The following TIE1 variants were observed in gnomAD, a reference collection of about 807,000 sequenced individuals.
TIE1 encodes tyrosine kinase with immunoglobulin like and EGF like domains 1, also known as tyrosine-protein kinase receptor Tie-1.
Under a neutral mutation model 130.5 loss-of-function variants are expected in TIE1, and 89 were observed. The observed-to-expected ratio is 0.68, with a 90% CI of 0.57 to 0.81. The LOEUF (loss-of-function observed/expected upper bound fraction) is 0.81. Ranked by LOEUF, TIE1 falls within the 40% of genes least tolerant of loss-of-function variation. The probability of loss-of-function intolerance (pLI) is 0.00; values close to 1 mark genes in which losing one functional copy is unlikely to be tolerated. For missense variants in TIE1, 1,392 were observed against 1,559.8 expected (o/e 0.89, Z 1.81); for synonymous variants, 568 against 629.4 (o/e 0.90, Z 1.46).
In TIE1 at chr1:43,301,052, C is replaced by T. The variant is rs1379101035; in HGVS notation, c.-20C>T. 6 of 1,613,208 alleles carry T rather than the reference C, an allele frequency of 3.7e-6. No individual in the cohort carries two copies. Among genetic ancestry groups the T allele is most frequent in the Middle Eastern group, 1.6e-4 (1 of 6,084 alleles). On this transcript the variant is annotated 5_prime_UTR_variant, in exon 1 of 23. Coordinates refer to ENST00000372476, the MANE Select transcript of TIE1 (RefSeq NM_005424.5). Reference sequence around the variant, plus strand: ...CCCAGGCCCAGCTCGTCCTGGCTGGCCTGGGTCGGCCTCTGGAGTATGGTC... The same window carrying T: ...CCCAGGCCCAGCTCGTCCTGGCTGGTCTGGGTCGGCCTCTGGAGTATGGTC...
chr1:43,323,025 A>C lies in TIE1; in HGVS notation c.*303A>C. ...CTCCAGCTCCTTCGCTTAAGCCAGC[A>C]CTCACACCACTAACATGCCCTGTTC... On this transcript the variant is annotated 3_prime_UTR_variant, in exon 23 of 23. Coordinates refer to ENST00000372476, the MANE Select transcript of TIE1 (RefSeq NM_005424.5). 1 of 394,026 alleles carries C rather than the reference A, an allele frequency of 2.5e-6. No homozygotes were observed. The highest frequency in any genetic ancestry group is 4.7e-6 in the Non-Finnish European group (1 of 214,340). The allele number at this position is 394,026 out of a possible 1,614,324, so 24.4% of individuals were successfully genotyped here. A position where few individuals can be genotyped will look rare whatever the true frequency, so the allele number is the denominator to read the frequency against.
chr1:43,313,502 C>G lies in TIE1; in HGVS notation c.2218+77C>G, dbSNP rs1037453645. 1.9e-6 allele frequency: 3 copies of G among 1,540,178 alleles called. No individual in the cohort carries two copies. Among genetic ancestry groups the G allele is most frequent in the Admixed American group, 1.7e-5 (1 of 57,312 alleles). ...AGCACGCTCTCCTTCCACATCACCC[C>G]CTACTGTGGAGCTAGGGCATCCCAG... On this transcript the variant is annotated intron_variant, in intron 13 of 22. Transcript: ENST00000372476. The surrounding 1 kb of genome is among the most constrained non-coding windows in gnomAD (Gnocchi z 6.2).
chr1:43,319,700 G>C lies in TIE1; in HGVS notation c.3107+171G>C, dbSNP rs1570452724. Reference sequence around the variant, plus strand: ...AAAGTACCTAGCCAAGGTGGGGCTTGCTGGAAGGAGTCTTGGAAGGTGTTT... The same window carrying C: ...AAAGTACCTAGCCAAGGTGGGGCTTCCTGGAAGGAGTCTTGGAAGGTGTTT... On this transcript the variant is annotated intron_variant, in intron 19 of 22. Coordinates refer to ENST00000372476, the MANE Select transcript of TIE1 (RefSeq NM_005424.5). The surrounding 1 kb of genome is among the most constrained non-coding windows in gnomAD (Gnocchi z 4.7). The C allele has an allele frequency of 6.1e-6, 4 of 656,582 alleles. No homozygotes were observed. In the East Asian group the frequency reaches 1.1e-4, roughly 18 times the overall value. The allele number at this position is 656,582 out of a possible 1,614,324, so 40.7% of individuals were successfully genotyped here. A position where few individuals can be genotyped will look rare whatever the true frequency, so the allele number is the denominator to read the frequency against.
rs953994974 is a variant in TIE1 at position 43,306,286 on chromosome 1, G to A, written c.485-554G>A. On this transcript the variant is annotated intron_variant, in intron 3 of 22. Coordinates refer to ENST00000372476, the MANE Select transcript of TIE1 (RefSeq NM_005424.5). The surrounding 1 kb of genome is among the most constrained non-coding windows in gnomAD (Gnocchi z 4.9). ...CTGAAACACAAGGGTGTTTCTAGAA[G>A]AGAAACAATCCATTCAGGAATTCAG... Among the ~76,000 whole-genome samples the A allele has an allele frequency of 1.3e-5, 2 of 152,214 alleles. No individual in the cohort carries two copies. The highest frequency in any genetic ancestry group is 2.9e-5 in the Non-Finnish European group (2 of 68,040).
chr1:43,314,052 C>CG, intron 14 of TIE1, 84 bp downstream of exon 14: 1 of 1,345,248 alleles, frequency 7.4e-7, no homozygotes, highest in South Asian at 1.2e-5. Flanking sequence ...CCTTGTACAC[C>CG]TTGTGTGTGT....
chr1:43,304,063 G>T (rs770345829), intron 1 of TIE1, among the ~76,000 whole-genome samples: 2 of 143,642 alleles, frequency 1.4e-5, no homozygotes, highest in African/African-American at 2.4e-5. Flanking sequence ...TGCCCTCCCT[G>T]GCTCTGGGCC....
At position 43,313,764 on chromosome 1, in the gene TIE1, C is replaced by A; in HGVS notation, c.2219-14C>A. 1 of 1,603,844 alleles carries A rather than the reference C, an allele frequency of 6.2e-7. No individual in the cohort carries two copies. The highest frequency in any genetic ancestry group is 8.5e-7 in the Non-Finnish European group (1 of 1,173,942). ...CCAGGTGTCCCCACAATCTGCCCCT[C>A]TCACTGTGTCCAGGGCTGCAGGCTG... On this transcript the variant is annotated splice_polypyrimidine_tract_variant and intron_variant, in intron 13 of 22. Transcript: ENST00000372476. The surrounding 1 kb of genome is among the most constrained non-coding windows in gnomAD (Gnocchi z 6.2).
intron 3 of TIE1, among the ~76,000 whole-genome samples, chr1:43,305,673 TC>T (rs1032920133): frequency 2.0e-5 from 3 of 152,016 alleles, no homozygotes; most frequent in African/African-American, 7.3e-5. Flanking sequence ...ACCGCATCAG[TC>T]CCCCTGAGGA....
At chr1:43,302,823 T>C (rs530348857) in intron 1 of TIE1, among the ~76,000 whole-genome samples, 1 of 149,272 alleles carries the variant, frequency 6.7e-6, no homozygotes, top group African/African-American at 2.5e-5. Flanking sequence ...ATGGTCTAGG[T>C]GAGTAAGGAT....
At position 43,306,903 on chromosome 1, in the gene TIE1, C is replaced by T; in HGVS notation, c.548C>T (p.Pro183Leu). 1.2e-6 allele frequency: 2 copies of T among 1,614,040 alleles called. No individual in the cohort carries two copies. The highest frequency in any genetic ancestry group is 8.5e-7 in the Non-Finnish European group (1 of 1,180,020). ...GATGGGCGGTTCCTGCTGCAGCTCC[C>T]AAATGTGCAGCCACCATCGAGCGGC... is the stretch of plus-strand genomic sequence containing the variant. Reference protein sequence around the residue: ...AQDGRFLLQLPNVQPPSSGIY... With the variant: ...AQDGRFLLQLLNVQPPSSGIY... The change falls in exon 4 of 23, where the codon CCA becomes CTA. Residue 183 changes from proline (P) to leucine (L), a missense_variant. Physicochemically the swap from Pro to Leu is moderately conservative, Grantham distance 98. Transcript: ENST00000372476. This position sits in a 1 kb window ranked among gnomAD's most constrained non-coding sequence, Gnocchi z 4.9.
At position 43,318,052 on chromosome 1, in the gene TIE1, C is replaced by G. The variant is rs757547719; in HGVS notation, c.2902C>G (p.Gln968Glu). The change falls in exon 17 of 23, where the codon CAG becomes GAG. Residue 968 changes from glutamine to glutamate, a missense_variant. Coordinates refer to ENST00000372476, the MANE Select transcript of TIE1 (RefSeq NM_005424.5). This position sits in a 1 kb window ranked among gnomAD's most constrained non-coding sequence, Gnocchi z 4.4. ...RFASDAANGM[Q>E]YLSEKQFIHR... ...CGCCAGTGATGCGGCCAATGGCATG[C>G]AGTACCTGAGTGAGAAGCAGGTGTG... 6.4e-7 allele frequency: 1 copy of G among 1,568,068 alleles called. No individual in the cohort carries two copies. Among genetic ancestry groups the G allele is most frequent in the Middle Eastern group, 1.7e-4 (1 of 5,732 alleles).
At position 43,305,058 on chromosome 1, in the gene TIE1, C is replaced by T. The variant is rs1442012423; in HGVS notation, c.266C>T (p.Thr89Met). 1.2e-6 allele frequency: 2 copies of T among 1,607,772 alleles called. No homozygotes were observed. Among genetic ancestry groups the T allele is most frequent in the Non-Finnish European group, 1.7e-6 (2 of 1,176,474 alleles). The change falls in exon 2 of 23, where the codon ACG (threonine) becomes ATG (methionine). Residue 89 changes from threonine to methionine, a missense_variant. Transcript: ENST00000372476. ...RLARNGSHQV[T>M]LRGFSKPSDL... The stretch of plus-strand genomic sequence containing the variant: ...GCGCGCAACGGTTCGCACCAGGTCA[C>T]GCTTCGCGGCTTCTCCAAGCCCTCG...
rs1478335016 is a variant in TIE1 at position 43,321,329 on chromosome 1, C to A, written c.3148+20C>A. On this transcript the variant is annotated intron_variant, in intron 20 of 22. Transcript: ENST00000372476. ...GCCTTGGTGAGTTCCTGATCCCCGT[C>A]CCCCAGAGTGCCCCACCTTACCCCA... 1 of 1,614,040 alleles carries A rather than the reference C, an allele frequency of 6.2e-7. No individual in the cohort carries two copies. Among genetic ancestry groups the A allele is most frequent in the East Asian group, 2.2e-5 (1 of 44,866 alleles).
In TIE1 at chr1:43,312,187, C is replaced by A; in HGVS notation, c.1630+56C>A. On this transcript the variant is annotated intron_variant, in intron 11 of 22. Coordinates refer to ENST00000372476, the MANE Select transcript of TIE1 (RefSeq NM_005424.5). The surrounding 1 kb of genome is among the most constrained non-coding windows in gnomAD (Gnocchi z 5.6). ...CCCCCAAGGGTTACTTTCCCGTCGACCCCAGGGACCCCTGCCTTTCCCACT... is the reference window on the plus strand; with the variant it reads ...CCCCCAAGGGTTACTTTCCCGTCGAACCCAGGGACCCCTGCCTTTCCCACT... The A allele has an allele frequency of 6.6e-7, 1 of 1,513,366 alleles. No individual in the cohort carries two copies. Among genetic ancestry groups the A allele is most frequent in the Admixed American group, 2.2e-5 (1 of 44,480 alleles). The allele number at this position is 1,513,366 out of a possible 1,614,324, so 93.7% of individuals were successfully genotyped here. A position where few individuals can be genotyped will look rare whatever the true frequency, so the allele number is the denominator to read the frequency against.
chr1:43,321,567 C>T, intron 21 of TIE1, 49 bp from the exon 22 acceptor site: 1 of 1,556,188 alleles, frequency 6.4e-7, no homozygotes, highest in Non-Finnish European at 8.7e-7. Flanking sequence ...CCTGTGACCC[C>T]ATCACCCCAG....
In TIE1 at chr1:43,313,502, C is replaced by A. The variant is rs1037453645; in HGVS notation, c.2218+77C>A. The A allele has an allele frequency of 2.6e-6, 4 of 1,540,296 alleles. No individual in the cohort carries two copies. The highest frequency in any genetic ancestry group is 3.5e-6 in the Non-Finnish European group (4 of 1,129,656). On this transcript the variant is annotated intron_variant, in intron 13 of 22. Transcript: ENST00000372476. The surrounding 1 kb of genome is among the most constrained non-coding windows in gnomAD (Gnocchi z 6.2). Reference sequence around the variant, plus strand: ...AGCACGCTCTCCTTCCACATCACCCCCTACTGTGGAGCTAGGGCATCCCAG... The same window carrying A: ...AGCACGCTCTCCTTCCACATCACCCACTACTGTGGAGCTAGGGCATCCCAG...
In TIE1 at chr1:43,313,113, C is replaced by T; in HGVS notation, c.1928-22C>T. 3 of 1,587,188 alleles carry T rather than the reference C, an allele frequency of 1.9e-6. No individual in the cohort carries two copies. Among genetic ancestry groups the T allele is most frequent in the Admixed American group, 3.4e-5 (2 of 58,268 alleles). Reference sequence around the variant, plus strand: ...ATAGCCCGGTCCTATCTGAGCCTTGCCTTCCCCCACCATCTCCCCAGGGCC... The same window carrying T: ...ATAGCCCGGTCCTATCTGAGCCTTGTCTTCCCCCACCATCTCCCCAGGGCC... On this transcript the variant is annotated intron_variant, in intron 12 of 22. Transcript: ENST00000372476. This position sits in a 1 kb window ranked among gnomAD's most constrained non-coding sequence, Gnocchi z 6.2.
In TIE1 at chr1:43,315,006, C is replaced by T. The variant is rs565241590; in HGVS notation, c.2409+1038C>T. On this transcript the variant is annotated intron_variant, in intron 14 of 22. Coordinates refer to ENST00000372476, the MANE Select transcript of TIE1 (RefSeq NM_005424.5). This position sits in a 1 kb window ranked among gnomAD's most constrained non-coding sequence, Gnocchi z 4.4. ...TGCTCCTTGAAAGAGGAAGCACAAACCTCCACTCCTCCTGGCTTCCCTGTA... is the reference window on the plus strand; with the variant it reads ...TGCTCCTTGAAAGAGGAAGCACAAATCTCCACTCCTCCTGGCTTCCCTGTA... 2.7e-5 allele frequency among the ~76,000 whole-genome samples: 3 copies of T among 112,588 alleles called. No individual in the cohort carries two copies. Among genetic ancestry groups the T allele is most frequent in the East Asian group, 6.4e-4 (2 of 3,136 alleles). The allele number at this position is 112,588 out of a possible 152,430, so 73.9% of individuals were successfully genotyped here.
At position 43,313,465 on chromosome 1, in the gene TIE1, C is replaced by A. The variant is rs780420978; in HGVS notation, c.2218+40C>A. 1.4e-5 allele frequency: 22 copies of A among 1,608,322 alleles called. No homozygotes were observed. Among genetic ancestry groups the A allele is most frequent in the Non-Finnish European group, 1.9e-5 (22 of 1,176,894 alleles). On this transcript the variant is annotated intron_variant, in intron 13 of 22. Transcript: ENST00000372476. The surrounding 1 kb of genome is among the most constrained non-coding windows in gnomAD (Gnocchi z 6.2). ...CCCACAGGACCCCCCGGGCTCTGAGCGGGGAGAGCTCAGCACGCTCTCCTT... is the reference window on the plus strand; with the variant it reads ...CCCACAGGACCCCCCGGGCTCTGAGAGGGGAGAGCTCAGCACGCTCTCCTT...
Sources: gnomAD v4.1 joint callset for allele counts (sites outside exome capture counted in the v4.1 genomes callset) on GRCh38, gnomAD v4.1.1 for gene constraint, Gnocchi (gnomAD v3.1) non-coding constraint, MANE v1.5 for transcripts, NCBI Gene and HGNC (gene_info 2026-07-23, HGNC 2026-07-21) for gene names.